PCDH9: variants seen among roughly 807,000 people sequenced by gnomAD.
PCDH9 encodes the protein protocadherin 9, also known as protocadherin-9.
Under a neutral mutation model 70.6 loss-of-function variants are expected in PCDH9, and 24 were observed. That is an observed-to-expected ratio of 0.34 (90% CI 0.25 to 0.48). PCDH9 has a LOEUF of 0.48. Among genes scored for constraint, PCDH9 ranks in the 20% least tolerant of loss-of-function variants. The pLI is 0.99. For missense variants in PCDH9, 1,281 were observed against 1,503.6 expected (o/e 0.85, Z 2.45); for synonymous variants, 562 against 558.5 (o/e 1.01, Z -0.09).
At chr13:67,144,077 A>G (rs1175387307) in intron 2 of PCDH9, among the ~76,000 whole-genome samples, 1 of 152,198 alleles carries the variant, frequency 6.6e-6, no homozygotes, top group Non-Finnish European at 1.5e-5. Flanking sequence ...AAAAAGGTAT[A>G]TTTGGAGAGC....
At chr13:66,361,623 A>T (rs1454325601) in intron 4 of PCDH9, among the ~76,000 whole-genome samples, 2 of 152,252 alleles carry the variant, frequency 1.3e-5, no homozygotes, top group East Asian at 3.9e-4. Flanking sequence ...ATTTTAAAGC[A>T]TATATTTCAG....
chr13:66,822,041 T>C (rs2080720045), intron 3 of PCDH9, among the ~76,000 whole-genome samples: 1 of 152,080 alleles, frequency 6.6e-6, no homozygotes, highest in Non-Finnish European at 1.5e-5. Context: ...TTTTAACACA[T>C]TGGTACACAT....
chr13:66,929,331 A>C (rs1221325353), intron 2 of PCDH9, among the ~76,000 whole-genome samples: 1 of 151,122 alleles, frequency 6.6e-6, no homozygotes, highest in Non-Finnish European at 1.5e-5. Context: ...TTAATTTTTT[A>C]TATATTTTTT....
At chr13:66,879,009 C>A (rs948973850) in intron 3 of PCDH9, among the ~76,000 whole-genome samples, 3 of 152,064 alleles carry the variant, frequency 2.0e-5, no homozygotes, top group African/African-American at 4.8e-5. Context: ...CACTGTCATT[C>A]AGCATAACAA....
chr13:67,057,943 T>C (rs985420070), intron 2 of PCDH9, among the ~76,000 whole-genome samples: 5 of 151,388 alleles, frequency 3.3e-5, no homozygotes, highest in African/African-American at 1.2e-4. Flanking sequence ...ACTCTGTAAT[T>C]ATAAATGTGT....
At chr13:66,852,845 A>G (rs1426462897) in intron 3 of PCDH9, among the ~76,000 whole-genome samples, 2 of 152,184 alleles carry the variant, frequency 1.3e-5, no homozygotes, top group Non-Finnish European at 2.9e-5. Context: ...TGAACTCCAT[A>G]GCAAATCTAC....
chr13:66,609,653 A>C (rs1340362194), intron 4 of PCDH9, among the ~76,000 whole-genome samples: 1 of 152,068 alleles, frequency 6.6e-6, no homozygotes, highest in African/African-American at 2.4e-5. Flanking sequence ...AATACCACCT[A>C]AACTGCCTTA....
intron 3 of PCDH9, among the ~76,000 whole-genome samples, chr13:66,812,258 A>C (rs915535768): frequency 6.6e-6 from 1 of 152,196 alleles, no homozygotes; most frequent in African/African-American, 2.4e-5. Context: ...GACAACCTAT[A>C]AAACATGGGA....
chr13:66,622,330 A>G (rs1205592457), intron 4 of PCDH9, among the ~76,000 whole-genome samples: 2 of 152,188 alleles, frequency 1.3e-5, no homozygotes, highest in African/African-American at 4.8e-5. Context: ...GCTGAGGAGT[A>G]CAGGCCCACA....
chr13:66,534,270 A>G (rs1960593303), intron 4 of PCDH9, among the ~76,000 whole-genome samples: 1 of 152,138 alleles, frequency 6.6e-6, no homozygotes, highest in South Asian at 2.1e-4. Context: ...GTTTCTTTTT[A>G]AAGTTATTGT....
chr13:66,701,126 G>A (rs553436776), intron 3 of PCDH9, among the ~76,000 whole-genome samples: 69 of 151,288 alleles, frequency 4.6e-4, no homozygotes, highest in African/African-American at 1.5e-3. Flanking sequence ...TTTGCATTTC[G>A]TAAACTGGGT....
At chr13:66,730,774 G>T (rs1224551620) in intron 3 of PCDH9, among the ~76,000 whole-genome samples, 1 of 151,234 alleles carries the variant, frequency 6.6e-6, no homozygotes, top group African/African-American at 2.4e-5. Context: ...GACATTGCAG[G>T]CTCAAGTGAT....
chr13:66,747,325 T>C (rs2079383767), intron 3 of PCDH9, among the ~76,000 whole-genome samples: 1 of 152,140 alleles, frequency 6.6e-6, no homozygotes, highest in Admixed American at 6.5e-5. Flanking sequence ...CACTCCAGCC[T>C]GGGCAACAGT....
chr13:66,341,269 T>A (rs951946865), intron 4 of PCDH9, among the ~76,000 whole-genome samples: 1 of 151,956 alleles, frequency 6.6e-6, no homozygotes, highest in East Asian at 1.9e-4. Flanking sequence ...ATGTTTTAGT[T>A]TTTTTGTAGA....
chr13:66,645,726 T>G (rs1335578241), intron 3 of PCDH9, among the ~76,000 whole-genome samples: 2 of 152,166 alleles, frequency 1.3e-5, no homozygotes, highest in Admixed American at 1.3e-4. Flanking sequence ...TCACCTACTT[T>G]CTATCAGAGA....
chr13:66,709,439 T>G (rs1025614044), intron 3 of PCDH9, among the ~76,000 whole-genome samples: 3 of 152,192 alleles, frequency 2.0e-5, no homozygotes, highest in Non-Finnish European at 4.4e-5. Flanking sequence ...GGAAAAGCAA[T>G]GTGGTACACT....
In PCDH9 at chr13:66,923,292, T is replaced by G. The variant is rs58417725; in HGVS notation, c.3037-19687A>C. On this transcript the variant is annotated intron_variant, in intron 2 of 4. Coordinates refer to ENST00000377865, the MANE Select transcript of PCDH9 (RefSeq NM_203487.3). ...CATAGCTAATTATATGCACCAAATC[T>G]TGACTATATAGAAAAAGTAAAATGA... 7.5e-3 allele frequency among the ~76,000 whole-genome samples: 1,144 copies of G among 151,662 alleles called. 18 individuals are homozygous for G. The highest frequency in any genetic ancestry group is 0.027 in the African/African-American group (1,100 of 41,478).
chr13:66,818,882 C>T (rs1037113421), intron 3 of PCDH9, among the ~76,000 whole-genome samples: 4 of 151,130 alleles, frequency 2.6e-5, no homozygotes, highest in African/African-American at 7.3e-5. Flanking sequence ...TGCAGTGGGC[C>T]GAGATCGCGC....
At chr13:66,547,122 T>C (rs1032061763) in intron 4 of PCDH9, among the ~76,000 whole-genome samples, 2 of 152,210 alleles carry the variant, frequency 1.3e-5, no homozygotes, top group African/African-American at 4.8e-5. Context: ...CCAAACTTTA[T>C]AGAAATGAAA....
Sources: allele counts gnomAD v4.1 joint callset (sites outside exome capture counted in the v4.1 genomes callset), GRCh38; gene constraint gnomAD v4.1.1; transcripts MANE v1.5; gene names NCBI Gene and HGNC (gene_info 2026-07-23, HGNC 2026-07-21).